SLC9A9: variants seen among roughly 807,000 people sequenced by gnomAD.
The protein encoded by SLC9A9 is sodium/hydrogen exchanger 9.
Under a neutral mutation model 77.8 loss-of-function variants are expected in SLC9A9, and 62 were observed. That is an observed-to-expected ratio of 0.80 (90% CI 0.65 to 0.98). The LOEUF (loss-of-function observed/expected upper bound fraction) is 0.98. Ranked by LOEUF, SLC9A9 falls within the 50% of genes least tolerant of loss-of-function variation. The pLI, the probability that SLC9A9 is intolerant of heterozygous loss-of-function variation, is 0.00. For missense variants in SLC9A9, 775 were observed against 774.9 expected (o/e 1.00, Z 0.00); for synonymous variants, 320 against 283.5 (o/e 1.13, Z -1.29).
chr3:143,594,232 A>G (rs2037712969), intron 6 of SLC9A9, among the ~76,000 whole-genome samples: 1 of 152,232 alleles, frequency 6.6e-6, no homozygotes, highest in African/African-American at 2.4e-5. Flanking sequence ...GTGCAATCCC[A>G]GCTTAATTTT....
chr3:143,402,019 G>A (rs2033873758), intron 12 of SLC9A9, among the ~76,000 whole-genome samples: 1 of 152,078 alleles, frequency 6.6e-6, no homozygotes, highest in South Asian at 2.1e-4. Context: ...GATTACCTTG[G>A]TGAAACAGTT....
At position 143,495,337 on chromosome 3, in the gene SLC9A9, A is replaced by G; in HGVS notation, c.1201T>C (p.Phe401Leu). 1 of 1,608,892 alleles carries G rather than the reference A, an allele frequency of 6.2e-7. No individual in the cohort carries two copies. The highest frequency in any genetic ancestry group is 1.1e-5 in the South Asian group (1 of 90,988). ...ATGTTCTGTATTTCAAAGGATACAA[A>G]GGCTCCAAGTATAAAAAGAGCATTA... ...IFNALFILGA[F>L]LAIFVARACN... Residue 401 changes from phenylalanine (F) to leucine (L), a missense_variant and splice_region_variant, in exon 10 of 16, where the codon TTT becomes CTT. Physicochemically the swap from Phe to Leu is conservative, Grantham distance 22 (BLOSUM62 0). Coordinates refer to ENST00000316549, the MANE Select transcript of SLC9A9 (RefSeq NM_173653.4).
chr3:143,795,482 A>G (rs1362978442), intron 3 of SLC9A9, among the ~76,000 whole-genome samples: 1 of 151,682 alleles, frequency 6.6e-6, no homozygotes, highest in Non-Finnish European at 1.5e-5. Flanking sequence ...AACAACAACA[A>G]AACTATTCTA....
At chr3:143,626,629 T>C (rs1275875136) in intron 6 of SLC9A9, among the ~76,000 whole-genome samples, 1 of 131,900 alleles carries the variant, frequency 7.6e-6, no homozygotes, top group Non-Finnish European at 1.6e-5. Flanking sequence ...GGTGGGGGGA[T>C]GGGGGAGGGA....
At chr3:143,464,668 C>T (rs2108567334) in intron 12 of SLC9A9, among the ~76,000 whole-genome samples, 1 of 152,218 alleles carries the variant, frequency 6.6e-6, no homozygotes, top group Middle Eastern at 3.4e-3. Flanking sequence ...AAAATGTGGC[C>T]CTGGGACCAG....
intron 13 of SLC9A9, among the ~76,000 whole-genome samples, chr3:143,380,182 A>G (rs2033271824): frequency 6.6e-6 from 1 of 152,246 alleles, no homozygotes; most frequent in Non-Finnish European, 1.5e-5. Flanking sequence ...TCTCTAATAA[A>G]AAAGTAACTT....
intron 14 of SLC9A9, among the ~76,000 whole-genome samples, chr3:143,329,115 C>T (rs77497093): frequency 7.6e-4 from 115 of 152,302 alleles, no homozygotes; most frequent in East Asian, 1.7e-3. Flanking sequence ...CCAGCCTTAG[C>T]GCAGCCATAA....
At chr3:143,800,254 C>T (rs2008514764) in intron 2 of SLC9A9, among the ~76,000 whole-genome samples, 2 of 152,120 alleles carry the variant, frequency 1.3e-5, no homozygotes, top group South Asian at 2.1e-4. Flanking sequence ...CCTAATCACC[C>T]TTACCCTGCT....
chr3:143,795,294 A>AAAAAAAAAC (rs1560083118), intron 3 of SLC9A9, among the ~76,000 whole-genome samples: 1 of 147,786 alleles, frequency 6.8e-6, no homozygotes, highest in African/African-American at 2.5e-5. Flanking sequence ...AAAAAAAAAA[A>AAAAAAAAAC]AAAAAACCCA....
chr3:143,374,002 C>T (rs1031885821), intron 13 of SLC9A9, among the ~76,000 whole-genome samples: 1 of 152,010 alleles, frequency 6.6e-6, no homozygotes, highest in Non-Finnish European at 1.5e-5. Flanking sequence ...TCTAAGAAAA[C>T]TAGGCATATA....
chr3:143,715,780 C>T (rs545236117), intron 4 of SLC9A9, among the ~76,000 whole-genome samples: 23 of 152,242 alleles, frequency 1.5e-4, no homozygotes, highest in Admixed American at 1.4e-3. Flanking sequence ...GCTCCCACAC[C>T]GCAAGGTCAA....
intron 9 of SLC9A9, among the ~76,000 whole-genome samples, chr3:143,533,670 T>C (rs1017638329): frequency 6.6e-6 from 1 of 152,150 alleles, no homozygotes; most frequent in African/African-American, 2.4e-5. Context: ...GAGGTAAGGG[T>C]ATTTTTAAAA....
chr3:143,614,163 G>A (rs1453696822), intron 6 of SLC9A9, among the ~76,000 whole-genome samples: 1 of 152,116 alleles, frequency 6.6e-6, no homozygotes, highest in Non-Finnish European at 1.5e-5. Context: ...CACCAAGGCA[G>A]GCAATAAGGG....
chr3:143,805,869 A>G (rs573484491), intron 2 of SLC9A9, among the ~76,000 whole-genome samples: 31 of 152,234 alleles, frequency 2.0e-4, no homozygotes, highest in African/African-American at 7.2e-4. Flanking sequence ...GGTGATTAAA[A>G]AGCTTTATTG....
At chr3:143,561,593 G>A (rs1026447955) in intron 8 of SLC9A9, among the ~76,000 whole-genome samples, 1 of 152,124 alleles carries the variant, frequency 6.6e-6, no homozygotes, top group African/African-American at 2.4e-5. Context: ...CCATTCTCTC[G>A]CCATGGCTAC....
chr3:143,715,639 C>A (rs1289321116), intron 4 of SLC9A9, among the ~76,000 whole-genome samples: 1 of 152,170 alleles, frequency 6.6e-6, no homozygotes. Context: ...ATCATGGACA[C>A]ATAGGTGCTC....
chr3:143,592,761 C>T (rs906198299), intron 6 of SLC9A9, among the ~76,000 whole-genome samples: 11 of 152,252 alleles, frequency 7.2e-5, no homozygotes, highest in South Asian at 6.2e-4. Flanking sequence ...TCATCTGGCC[C>T]GGACTCACCA....
chr3:143,713,873 G>A (rs78863224), intron 4 of SLC9A9, among the ~76,000 whole-genome samples: 3,960 of 152,144 alleles, frequency 0.026, 162 homozygotes, highest in African/African-American at 0.09. Flanking sequence ...GAGGAAGATG[G>A]GAAAATGTAT....
At chr3:143,364,209 G>A (rs1315128939) in intron 13 of SLC9A9, among the ~76,000 whole-genome samples, 1 of 150,632 alleles carries the variant, frequency 6.6e-6, no homozygotes, top group Non-Finnish European at 1.5e-5. Flanking sequence ...TTTTGTGAGA[G>A]AAGAGGATGA....
Sources: allele counts gnomAD v4.1 joint callset (sites outside exome capture counted in the v4.1 genomes callset), GRCh38; gene constraint gnomAD v4.1.1; transcripts MANE v1.5; gene names NCBI Gene and HGNC (gene_info 2026-07-23, HGNC 2026-07-21).